NRXN3: variants seen among roughly 807,000 people sequenced by gnomAD.
NRXN3 encodes the protein neurexin 3.
In NRXN3, 32 loss-of-function variants were observed where a neutral mutation model predicts 137.6. That is an observed-to-expected ratio of 0.23 (90% CI 0.18 to 0.31). The LOEUF (loss-of-function observed/expected upper bound fraction) is 0.31. Ranked by LOEUF, NRXN3 falls within the 10% of genes least tolerant of loss-of-function variation. The probability of loss-of-function intolerance (pLI) is 1.00; values close to 1 mark genes in which losing one functional copy is unlikely to be tolerated. For synonymous variants in NRXN3, 798 were observed against 784.5 expected, an observed-to-expected ratio of 1.02 and a Z score of -0.29; for missense variants, 1,574 against 2,062.5, an observed-to-expected ratio of 0.76 and a Z score of 4.59.
intron 10 of NRXN3, among the ~76,000 whole-genome samples, chr14:78,828,845 G>C (rs1256253884): frequency 3.3e-5 from 5 of 152,206 alleles, no homozygotes; most frequent in Admixed American, 6.5e-5. Context: ...ACTTAAGTGA[G>C]TTCAAGTAAT....
intron 14 of NRXN3, among the ~76,000 whole-genome samples, chr14:78,986,986 G>A (rs2099507905): frequency 7.8e-6 from 1 of 127,710 alleles, no homozygotes; most frequent in East Asian, 2.5e-4. Context: ...TCGTGCCACT[G>A]CACTCCAGTC....
chr14:78,503,772 A>T (rs755100814), intron 4 of NRXN3, among the ~76,000 whole-genome samples: 1 of 152,108 alleles, frequency 6.6e-6, no homozygotes, highest in Non-Finnish European at 1.5e-5. Flanking sequence ...ACATCATACT[A>T]GAGTCACCGT....
intron 4 of NRXN3, among the ~76,000 whole-genome samples, chr14:78,570,929 C>T (rs2096883512): frequency 6.6e-6 from 1 of 152,142 alleles, no homozygotes; most frequent in African/African-American, 2.4e-5. Flanking sequence ...GCCACAGAAG[C>T]CAGGCTCAGT....
chr14:78,520,940 G>A (rs1207496664), intron 4 of NRXN3, among the ~76,000 whole-genome samples: 2 of 152,074 alleles, frequency 1.3e-5, no homozygotes, highest in African/African-American at 4.8e-5. Context: ...AAAATAGCTC[G>A]GCATAGAAGC....
At chr14:79,240,938 G>A (rs905039509) in intron 15 of NRXN3, among the ~76,000 whole-genome samples, 3 of 152,102 alleles carry the variant, frequency 2.0e-5, no homozygotes, top group African/African-American at 7.2e-5. Context: ...TAGGGTCTAT[G>A]CAATACAATT....
chr14:79,273,107 G>C (rs2079614186), intron 15 of NRXN3, among the ~76,000 whole-genome samples: 1 of 137,278 alleles, frequency 7.3e-6, no homozygotes, highest in Non-Finnish European at 1.5e-5. Flanking sequence ...GGGAGGCGGA[G>C]ATTGCAGTGA....
chr14:78,813,187 A>C (rs756081619), intron 10 of NRXN3, among the ~76,000 whole-genome samples: 1 of 152,200 alleles, frequency 6.6e-6, no homozygotes, highest in Non-Finnish European at 1.5e-5. Flanking sequence ...AATCTTCTCT[A>C]TTTCATCCCT....
intron 4 of NRXN3, among the ~76,000 whole-genome samples, chr14:78,308,283 C>T (rs547297431): frequency 1.3e-5 from 2 of 152,140 alleles, no homozygotes; most frequent in South Asian, 4.1e-4. Context: ...CTAATTCTGA[C>T]AATTAATGCT....
chr14:78,335,506 A>G (rs565677414), intron 4 of NRXN3, among the ~76,000 whole-genome samples: 1 of 152,368 alleles, frequency 6.6e-6, no homozygotes, highest in South Asian at 2.1e-4. Flanking sequence ...GGTGTTTAGT[A>G]ATGACTGATT....
At chr14:79,248,123 A>G in intron 15 of NRXN3, among the ~76,000 whole-genome samples, 1 of 152,206 alleles carries the variant, frequency 6.6e-6, no homozygotes, top group East Asian at 1.9e-4. Context: ...GTGAACCGCC[A>G]TGTTCAGTTG....
chr14:79,196,356 A>T (rs2065126583), intron 15 of NRXN3, among the ~76,000 whole-genome samples: 1 of 152,192 alleles, frequency 6.6e-6, no homozygotes, highest in Admixed American at 6.5e-5. Context: ...GACATCTGAC[A>T]TGGGCCTTTG....
chr14:79,790,261 G>A (rs768193050), intron 19 of NRXN3, among the ~76,000 whole-genome samples: 21 of 152,028 alleles, frequency 1.4e-4, no homozygotes, highest in Non-Finnish European at 2.5e-4. Flanking sequence ...GGCAAACAGG[G>A]AGCAGGCATG....
chr14:79,862,094 T>C lies in NRXN3; in HGVS notation c.*130T>C. The C allele has an allele frequency of 1.3e-6, 1 of 788,644 alleles. No individual in the cohort carries two copies. Among genetic ancestry groups the C allele is most frequent in the Non-Finnish European group, 2.0e-6 (1 of 499,102 alleles). 48.9% of individuals were successfully genotyped at this position (788,644 alleles called of 1,614,324 possible). On this transcript the variant is annotated 3_prime_UTR_variant, in exon 21 of 21. Transcript: ENST00000335750. ...GAAATGGGGTATATAACCACGACTC[T>C]GGTGGGGAAAACCGTTTTTTAAAGG...
intron 16 of NRXN3, among the ~76,000 whole-genome samples, chr14:79,581,433 A>G (rs1031427787): frequency 2.0e-5 from 3 of 152,162 alleles, no homozygotes; most frequent in Admixed American, 1.3e-4. Flanking sequence ...GTTTATAACA[A>G]CTCATGAACT....
intron 10 of NRXN3, among the ~76,000 whole-genome samples, chr14:78,842,213 A>T (rs1369790138): frequency 6.6e-6 from 1 of 152,152 alleles, no homozygotes; most frequent in African/African-American, 2.4e-5. Flanking sequence ...ATTTATTATC[A>T]GGCAAAATTC....
chr14:79,450,186 A>T (rs879451968), intron 15 of NRXN3, among the ~76,000 whole-genome samples: 1 of 151,948 alleles, frequency 6.6e-6, no homozygotes, highest in Non-Finnish European at 1.5e-5. Flanking sequence ...AGTGCAAATG[A>T]TTGAATTAAC....
At chr14:79,086,125 G>A (rs1337198265) in intron 15 of NRXN3, among the ~76,000 whole-genome samples, 1 of 152,108 alleles carries the variant, frequency 6.6e-6, no homozygotes. Context: ...TGGTATTGGG[G>A]GCAGAGAGCT....
chr14:79,208,702 A>G (rs569214789), intron 15 of NRXN3, among the ~76,000 whole-genome samples: 8 of 152,294 alleles, frequency 5.3e-5, no homozygotes, highest in Non-Finnish European at 1.2e-4. Context: ...TATTGGATAT[A>G]ACAGTTATTT....
intron 10 of NRXN3, among the ~76,000 whole-genome samples, chr14:78,952,848 C>G (rs1185349731): frequency 6.6e-6 from 1 of 152,124 alleles, no homozygotes; most frequent in African/African-American, 2.4e-5. Flanking sequence ...AGATCTCACC[C>G]CCTCCCTCCC....
Sources: allele counts gnomAD v4.1 joint callset (sites outside exome capture counted in the v4.1 genomes callset), GRCh38; gene constraint gnomAD v4.1.1; transcripts MANE v1.5; gene names NCBI Gene and HGNC (gene_info 2026-07-23, HGNC 2026-07-21).